DDX56: variants seen among roughly 807,000 people sequenced by gnomAD.
DDX56 encodes the protein probable ATP-dependent RNA helicase DDX56.
Under a neutral mutation model 61.5 loss-of-function variants are expected in DDX56, and 45 were observed. The ratio of observed to expected loss-of-function variants is 0.73; its 90% confidence interval spans 0.58 to 0.94. The LOEUF is 0.94. Ranked by LOEUF, DDX56 falls within the 40% of genes least tolerant of loss-of-function variation. The pLI is 0.00. For synonymous variants in DDX56, 273 were observed against 268.3 expected, an observed-to-expected ratio of 1.02 and a Z score of -0.17; for missense variants, 708 against 690.7, an observed-to-expected ratio of 1.02 and a Z score of -0.28.
At position 44,571,739 on chromosome 7, in the gene DDX56, G is replaced by A. The variant is rs897834777; in HGVS notation, c.646-3C>T. 6 of 1,613,466 alleles carry A rather than the reference G, an allele frequency of 3.7e-6. No homozygotes were observed. In the African/African-American group the frequency reaches 8.0e-5, roughly 22 times the overall value. On this transcript the variant is annotated splice_polypyrimidine_tract_variant and splice_region_variant and intron_variant, in intron 5 of 13. Transcript: ENST00000258772. ...GACTCCTGTAACTTAAGGGTAACCT[G>A]GGGGAGAAAACAGGCCTGTGGTCAG... is the stretch of plus-strand genomic sequence containing the variant.
In DDX56 at chr7:44,568,916, G is replaced by C; in HGVS notation, c.1370C>G (p.Ser457Cys). Residue 457 changes from serine to cysteine, a missense_variant, in exon 11 of 14, where the codon TCT (serine) becomes TGT (cysteine). Ser to Cys is a moderately radical substitution (Grantham distance 112, BLOSUM62 -1). Transcript: ENST00000258772. ...CCATCCACTCACCTTAAGCTTCTCA[G>C]AATGCAGAAGCTCTTCCTTGATCTC... ...LKEIKEELLHSEKLKTYFEDN... is the reference protein window; with the variant it reads ...LKEIKEELLHCEKLKTYFEDN... 6.2e-7 allele frequency: 1 copy of C among 1,613,476 alleles called. No individual in the cohort carries two copies. Among genetic ancestry groups the C allele is most frequent in the African/African-American group, 1.3e-5 (1 of 75,020 alleles).
intron 5 of DDX56, 68 bp downstream of exon 5, chr7:44,572,279 G>T (rs1471095175): frequency 1.5e-6 from 2 of 1,342,802 alleles, no homozygotes; most frequent in African/African-American, 1.4e-5. Flanking sequence ...AATCCCCTAA[G>T]AAGGAGCATC....
intron 12 of DDX56, chr7:44,567,700 C>T (rs1340601675): frequency 3.6e-6 from 1 of 281,354 alleles, no homozygotes; most frequent in Non-Finnish European, 7.0e-6. Context: ...TACCCAGAGA[C>T]TCCACAGATG....
At chr7:44,569,352 G>A (rs1369861684) in intron 9 of DDX56, 149 bp from the exon 10 acceptor site, 17 of 726,414 alleles carry the variant, frequency 2.3e-5, no homozygotes, top group Non-Finnish European at 3.8e-5. Flanking sequence ...AGCTGCACCT[G>A]GGCCTCTTAC....
At chr7:44,568,568 C>T (rs1007056268) in intron 11 of DDX56, among the ~76,000 whole-genome samples, 4 of 152,182 alleles carry the variant, frequency 2.6e-5, no homozygotes, top group Admixed American at 2.6e-4. Context: ...TCTTTTGGTT[C>T]CATGATAATG....
rs1344174438 is a variant in DDX56, at chr7:44,569,867, G to T, written c.1161C>A (p.Thr387=). 1 of 1,611,310 alleles carries T rather than the reference G, an allele frequency of 6.2e-7. No homozygotes were observed. The highest frequency in any genetic ancestry group is 1.7e-5 in the Admixed American group (1 of 59,684). Residue 387 remains threonine (T), a synonymous_variant, in exon 9 of 14, where the codon ACC becomes ACA. Coordinates refer to ENST00000258772, the MANE Select transcript of DDX56 (RefSeq NM_019082.4). ...GGAACTGCTCCGTGGGAAGCACAAA[G>T]GTTAAGACTATGCCTGGGTTGTTAG... is the stretch of plus-strand genomic sequence containing the variant. ...ARANNPGIVL[T]FVLPTEQFHL... is the part of the protein sequence containing the mutation.
chr7:44,571,711 T>C lies in DDX56; in HGVS notation c.671A>G (p.Gln224Arg), dbSNP rs1249385292. 6.2e-7 allele frequency: 1 copy of C among 1,614,028 alleles called. No individual in the cohort carries two copies. Among genetic ancestry groups the C allele is most frequent in the East Asian group, 2.2e-5 (1 of 44,892 alleles). Reference sequence around the variant, plus strand: ...CTGTAACTGGTCTGGCCCAGGCAGCTGGGACTCCTGTAACTTAAGGGTAAC... The same window carrying C: ...CTGTAACTGGTCTGGCCCAGGCAGCCGGGACTCCTGTAACTTAAGGGTAAC... ...NPVTLKLQES[Q>R]LPGPDQLQQF... Residue 224 changes from glutamine (Q) to arginine (R), a missense_variant, in exon 6 of 14, where the codon CAG (glutamine) becomes CGG (arginine). Physicochemically the swap from Gln to Arg is conservative, Grantham distance 43 (BLOSUM62 1). Transcript: ENST00000258772.
In DDX56 at chr7:44,569,122, CAGCTCACCCTGCAGCGAT is replaced by C. The variant is rs776269997; in HGVS notation, c.1283_1293+7del. 133 of 1,614,000 alleles carry C rather than the reference CAGCTCACCCTGCAGCGAT, an allele frequency of 8.2e-5. No homozygotes were observed. Among genetic ancestry groups the C allele is most frequent in the Non-Finnish European group, 1.1e-4 (131 of 1,180,008 alleles). On this transcript the variant is annotated splice_donor_variant and splice_donor_5th_base_variant and coding_sequence_variant and intron_variant, in exon 10 of 14. Transcript: ENST00000258772. LOFTEE classifies it high-confidence loss of function. ...CCTCTCATTCCCCTCCCCACCACAG[CAGCTCACCCTGCAGCGAT>C]AGCGGAAGCCCTCGATCTCCTCCAT...
chr7:44,566,209 G>C (rs1321410853), intron 13 of DDX56, 130 bp from the exon 14 acceptor site: 3 of 675,694 alleles, frequency 4.4e-6, no homozygotes, highest in Admixed American at 5.3e-5. Context: ...AGAAGGTGCT[G>C]CAGATAAGGA....
chr7:44,572,330 T>C lies in DDX56; in HGVS notation c.645+17A>G. 6.2e-7 allele frequency: 1 copy of C among 1,608,476 alleles called. No individual in the cohort carries two copies. Among genetic ancestry groups the C allele is most frequent in the Non-Finnish European group, 8.5e-7 (1 of 1,175,272 alleles). ...CCCCATGTCTGCAGCTCCAGACACT[T>C]CCATGGTGCCTCTTACCGGGTTATG... On this transcript the variant is annotated intron_variant, in intron 5 of 13. Coordinates refer to ENST00000258772, the MANE Select transcript of DDX56 (RefSeq NM_019082.4).
rs775403343 is a variant in DDX56, at chr7:44,573,835, C to T, written c.60+1G>A. The T allele has an allele frequency of 1.2e-6, 2 of 1,613,374 alleles. No individual in the cohort carries two copies. Among genetic ancestry groups the T allele is most frequent in the South Asian group, 2.2e-5 (2 of 91,090 alleles). On this transcript the variant is annotated splice_donor_variant, in intron 1 of 13. Coordinates refer to ENST00000258772, the MANE Select transcript of DDX56 (RefSeq NM_019082.4). LOFTEE classifies it high-confidence loss of function. ...GCCGGCTCCCCAGCCCTCGCGTGTA[C>T]CTGAAGGAGCCGGGGATCGAGGCCC...
At position 44,568,985 on chromosome 7, in the gene DDX56, A is replaced by G. The variant is rs1357625967; in HGVS notation, c.1301T>C (p.Met434Thr). 1.2e-6 allele frequency: 2 copies of G among 1,613,908 alleles called. No homozygotes were observed. The highest frequency in any genetic ancestry group is 2.2e-5 in the East Asian group (1 of 44,864). Residue 434 changes from methionine (M) to threonine (T), a missense_variant, in exon 11 of 14, where the codon ATG (methionine) becomes ACG (threonine). Physicochemically the swap from Met to Thr is moderately conservative, Grantham distance 81. Transcript: ENST00000258772. ...AATGGCCTGCTTAGTCACTGAGCGC[A>G]TGGCATCCTGGGGGTGGACACTGAA... Reference protein sequence around the residue: ...EGFRYRCRDAMRSVTKQAIRE... With the variant: ...EGFRYRCRDATRSVTKQAIRE...
Position 44,569,865 on chromosome 7 carries a change from A to T in DDX56, c.1163T>A (p.Phe388Tyr). The change falls in exon 9 of 14, where the codon TTT (phenylalanine) becomes TAT (tyrosine). Residue 388 changes from phenylalanine (F) to tyrosine (Y), a missense_variant. Coordinates refer to ENST00000258772, the MANE Select transcript of DDX56 (RefSeq NM_019082.4). ...RANNPGIVLT[F>Y]VLPTEQFHLG... ...GTGGAACTGCTCCGTGGGAAGCACA[A>T]AGGTTAAGACTATGCCTGGGTTGTT... 1 of 1,611,264 alleles carries T rather than the reference A, an allele frequency of 6.2e-7. No homozygotes were observed. The highest frequency in any genetic ancestry group is 8.5e-7 in the Non-Finnish European group (1 of 1,178,618).
intron 9 of DDX56, among the ~76,000 whole-genome samples, chr7:44,569,542 G>A (rs894474717): frequency 9.2e-5 from 14 of 151,970 alleles, no homozygotes; most frequent in African/African-American, 3.4e-4. Context: ...AGCACCCTGG[G>A]GTCAGGTGCT....
At chr7:44,573,101 C>A (rs1353426945) in intron 2 of DDX56, 51 bp from the exon 3 acceptor site, 1 of 1,500,070 alleles carries the variant, frequency 6.7e-7, no homozygotes, top group African/African-American at 1.4e-5. Flanking sequence ...ATCACTGTGT[C>A]CACGTGTCTC....
intron 11 of DDX56, 150 bp from the exon 12 acceptor site, chr7:44,568,373 G>A: frequency 1.6e-6 from 1 of 618,464 alleles, no homozygotes; most frequent in Non-Finnish European, 2.8e-6. Context: ...GGGAGTGGAT[G>A]TTTCCATTTT....
At chr7:44,567,100 C>T (rs1802560053) in intron 12 of DDX56, among the ~76,000 whole-genome samples, 1 of 151,952 alleles carries the variant, frequency 6.6e-6, no homozygotes, top group African/African-American at 2.4e-5. Flanking sequence ...CCCTACCCAC[C>T]CTCCCAACTC....
intron 12 of DDX56, 148 bp downstream of exon 12, chr7:44,567,970 C>G: frequency 1.5e-6 from 1 of 685,238 alleles, no homozygotes; most frequent in Non-Finnish European, 2.6e-6. Flanking sequence ...AGGGGTGTGC[C>G]TGTTTACATG....
chr7:44,571,013 TCA>T lies in DDX56; in HGVS notation c.891-138_891-137del, dbSNP rs960037526. ...TCTTTCCCTACTTAATCATTGTGCC[TCA>T]GTTTCCTCAGCTGGAAATAATTATA... On this transcript the variant is annotated intron_variant, in intron 6 of 13. Transcript: ENST00000258772. The T allele has an allele frequency of 1.4e-5, 16 of 1,123,646 alleles. No individual in the cohort carries two copies. In the African/African-American group the frequency reaches 2.4e-4, roughly 17 times the overall value. The allele number at this position is 1,123,646 out of a possible 1,614,324, so 69.6% of individuals were successfully genotyped here.
Sources: allele counts gnomAD v4.1 joint callset (sites outside exome capture counted in the v4.1 genomes callset), GRCh38; gene constraint gnomAD v4.1.1; transcripts MANE v1.5; gene names NCBI Gene and HGNC (gene_info 2026-07-23, HGNC 2026-07-21).